The following ZC3H6 variants were observed in gnomAD, a reference collection of about 807,000 sequenced individuals.
The protein encoded by ZC3H6 is zinc finger CCCH-type containing 6.
ZC3H6 carries 40 observed loss-of-function variants against 107.7 expected under a neutral mutation model. The ratio of observed to expected loss-of-function variants is 0.37; its 90% CI spans 0.29 to 0.48. The LOEUF is 0.48. Ranked by LOEUF, ZC3H6 falls within the 20% of genes least tolerant of loss-of-function variation. ZC3H6 has a pLI of 0.98. For synonymous variants in ZC3H6, 493 were observed against 487.9 expected (o/e 1.01, Z -0.14); for missense variants, 1,267 against 1,410.4 (o/e 0.90, Z 1.63).
chr2:112,325,193 A>C lies in ZC3H6; in HGVS notation c.2082A>C (p.Glu694Asp). 6.2e-7 allele frequency: 1 copy of C among 1,613,866 alleles called. No individual in the cohort carries two copies. The highest frequency in any genetic ancestry group is 8.5e-7 in the Non-Finnish European group (1 of 1,179,802). ...STQPHRAPSK[E>D]EDDTVNWYSS... ...AACCTCATAGGGCACCAAGCAAGGA[A>C]GAAGGTGTGTCAGAAGTTATTAATA... Residue 694 changes from glutamate to aspartate, a missense_variant, in exon 11 of 12, where the codon GAA (glutamate) becomes GAC (aspartate). This residue lies in a region of ZC3H6 where 925 missense variants were observed against 1,025.7 expected (regional missense o/e 0.90). Coordinates refer to ENST00000409871, the MANE Select transcript of ZC3H6 (RefSeq NM_198581.3).
intron 1 of ZC3H6, among the ~76,000 whole-genome samples, chr2:112,283,848 C>A (rs1178691350): frequency 6.6e-6 from 1 of 152,176 alleles, no homozygotes; most frequent in African/African-American, 2.4e-5. Context: ...ATCACTGAAT[C>A]ACAGACAATT....
In ZC3H6 at chr2:112,286,067, A is replaced by G. The variant is rs565308060; in HGVS notation, c.32+10041A>G. On this transcript the variant is annotated intron_variant, in intron 1 of 11. Coordinates refer to ENST00000409871, the MANE Select transcript of ZC3H6 (RefSeq NM_198581.3). Reference sequence around the variant, plus strand: ...TCATCATTGCCAGACTTAATATGACAGGTTAAATGTTGGACCCAATTTTCC... The same window carrying G: ...TCATCATTGCCAGACTTAATATGACGGGTTAAATGTTGGACCCAATTTTCC... The G allele has an allele frequency of 1.4e-5, 4 of 276,148 alleles. No homozygotes were observed. In the East Asian group the frequency reaches 3.9e-4, roughly 27 times the overall value. The allele number at this position is 276,148 out of a possible 1,614,324, so 17.1% of individuals were successfully genotyped here.
At chr2:112,324,741 G>GT in intron 10 of ZC3H6, 78 bp downstream of exon 10, 1 of 1,373,512 alleles carries the variant, frequency 7.3e-7, no homozygotes, top group Non-Finnish European at 9.8e-7. Flanking sequence ...TGACAGAAAC[G>GT]TAAGTTTTAA....
Position 112,321,825 on chromosome 2 carries a change from A to C in ZC3H6, c.1046A>C (p.His349Pro). ...CAGGGAGACAACTGTAAATTTTCCC[A>C]TGATGATCTAACTAAAGAAACAAAG... ...CYQGDNCKFS[H>P]DDLTKETKKL... Residue 349 changes from histidine to proline, a missense_variant, in exon 8 of 12, where the codon CAT (histidine) becomes CCT (proline). This residue lies in a region of ZC3H6 where 925 missense variants were observed against 1,025.7 expected (regional missense o/e 0.90). Transcript: ENST00000409871. 6.5e-7 allele frequency: 1 copy of C among 1,542,490 alleles called. No homozygotes were observed. The highest frequency in any genetic ancestry group is 8.8e-7 in the Non-Finnish European group (1 of 1,142,338).
At chr2:112,299,060 G>T (rs974761808) in intron 1 of ZC3H6, among the ~76,000 whole-genome samples, 1 of 151,994 alleles carries the variant, frequency 6.6e-6, no homozygotes, top group Non-Finnish European at 1.5e-5. Context: ...GGCAGATCAC[G>T]AGGTCAGGAG....
At chr2:112,315,272 T>C (rs1266441639) in intron 5 of ZC3H6, among the ~76,000 whole-genome samples, 1 of 152,116 alleles carries the variant, frequency 6.6e-6, no homozygotes, top group African/African-American at 2.4e-5. Context: ...AAGCAGAAGT[T>C]GAATAGGGGA....
Position 112,336,038 on chromosome 2 carries a change from A to T in ZC3H6, c.*3550A>T, listed in dbSNP as rs1324812426. ...ATATAAGAGCCACCAGCTCTTAGAA[A>T]CAACAGATATATTCACACCCAGTCT... On this transcript the variant is annotated 3_prime_UTR_variant, in exon 12 of 12. Transcript: ENST00000409871. 6.6e-6 allele frequency: 1 copy of T among 152,204 alleles called. No individual in the cohort carries two copies. Among genetic ancestry groups the T allele is most frequent in the Non-Finnish European group, 1.5e-5 (1 of 68,034 alleles). 9.4% of individuals were successfully genotyped at this position (152,204 alleles called of 1,614,324 possible).
intron 1 of ZC3H6, among the ~76,000 whole-genome samples, chr2:112,297,980 T>C (rs1676273808): frequency 1.3e-5 from 2 of 152,178 alleles, no homozygotes; most frequent in African/African-American, 4.8e-5. Flanking sequence ...TCGGATGTGA[T>C]GGCGTGTGCC....
Position 112,337,096 on chromosome 2 carries a change from T to G in ZC3H6, c.*4608T>G, listed in dbSNP as rs1396911614. The G allele has an allele frequency of 6.6e-6, 1 of 152,126 alleles. No homozygotes were observed. The highest frequency in any genetic ancestry group is 1.5e-5 in the Non-Finnish European group (1 of 68,028). The allele number at this position is 152,126 out of a possible 1,614,324, so 9.4% of individuals were successfully genotyped here. ...TTTTGGTAGACAGCCCACCTGCTCT[T>G]TTTTGTCCCCACCCTCAGCCCAAGC... On this transcript the variant is annotated 3_prime_UTR_variant, in exon 12 of 12. Transcript: ENST00000409871.
At chr2:112,308,351 C>T (rs906882090) in intron 3 of ZC3H6, among the ~76,000 whole-genome samples, 7 of 151,716 alleles carry the variant, frequency 4.6e-5, no homozygotes, top group African/African-American at 1.7e-4. Flanking sequence ...CATTGCATTT[C>T]ATTAAATACG....
chr2:112,315,315 T>C (rs1013271188), intron 5 of ZC3H6, among the ~76,000 whole-genome samples: 1 of 152,178 alleles, frequency 6.6e-6, no homozygotes, highest in African/African-American at 2.4e-5. Context: ...AGTAGGGCTA[T>C]AAGATTTCTT....
At chr2:112,303,198 T>C in intron 2 of ZC3H6, 31 bp from the exon 3 acceptor site, 1 of 1,588,588 alleles carries the variant, frequency 6.3e-7, no homozygotes, top group African/African-American at 1.4e-5. Flanking sequence ...CTTTTGCAAA[T>C]GTAACATATT....
chr2:112,313,067 G>A (rs1025324388), intron 5 of ZC3H6, among the ~76,000 whole-genome samples: 7 of 152,108 alleles, frequency 4.6e-5, no homozygotes, highest in African/African-American at 9.7e-5. Context: ...ATAAATTTGC[G>A]AAACCCAGCA....
At position 112,322,706 on chromosome 2, in the gene ZC3H6, A is replaced by G; in HGVS notation, c.1144A>G (p.Arg382Gly). 6.2e-7 allele frequency: 1 copy of G among 1,613,310 alleles called. No individual in the cohort carries two copies. The highest frequency in any genetic ancestry group is 8.5e-7 in the Non-Finnish European group (1 of 1,179,666). ...AGATGAAAGAGAATTAGAGGAACTT[A>G]GAAAGCGTGGCATAACTCCTCTTCC... ...NEDERELEEL[R>G]KRGITPLPKP... The change falls in exon 9 of 12, where the codon AGA becomes GGA. Residue 382 changes from arginine to glycine, a missense_variant. Physicochemically the swap from Arg to Gly is moderately radical, Grantham distance 125 (BLOSUM62 -2). Transcript: ENST00000409871.
Position 112,328,082 on chromosome 2 carries a change from C to T in ZC3H6, c.2086+2885C>T, listed in dbSNP as rs567320650. Reference sequence around the variant, plus strand: ...TTTTTTTGTATTTTTAGTAGAGACACGGTTTTACCACGTTGGCCAGGTTGG... The same window carrying T: ...TTTTTTTGTATTTTTAGTAGAGACATGGTTTTACCACGTTGGCCAGGTTGG... On this transcript the variant is annotated intron_variant, in intron 11 of 11. Transcript: ENST00000409871. Among the ~76,000 whole-genome samples, 49 of 152,014 alleles carry T rather than the reference C, an allele frequency of 3.2e-4. 3 individuals carry two copies. The South Asian group carries it at 9.8e-3, about 30-fold the overall frequency.
intron 1 of ZC3H6, among the ~76,000 whole-genome samples, chr2:112,279,033 A>G (rs1032451954): frequency 6.6e-6 from 1 of 152,254 alleles, no homozygotes; most frequent in Admixed American, 6.5e-5. Flanking sequence ...TGGAGTTAAA[A>G]CATTGTATTT....
rs1677192276 is a variant in ZC3H6, at chr2:112,338,901, AT to A, written c.*6414del. 2.0e-4 allele frequency: 13 copies of A among 65,524 alleles called. No homozygotes were observed. The highest frequency in any genetic ancestry group is 5.3e-4 in the South Asian group (1 of 1,884). The allele number at this position is 65,524 out of a possible 1,614,324, so 4.1% of individuals were successfully genotyped here. A position where few individuals can be genotyped will look rare whatever the true frequency, so the allele number is the denominator to read the frequency against. On this transcript the variant is annotated 3_prime_UTR_variant, in exon 12 of 12. Coordinates refer to ENST00000409871, the MANE Select transcript of ZC3H6 (RefSeq NM_198581.3). ...TATATATATATATATATATATATAT[AT>A]ATATATATATAATTTTTTTTTTTTG... is the stretch of plus-strand genomic sequence containing the variant.
At chr2:112,315,058 C>CT (rs1676671914) in intron 5 of ZC3H6, among the ~76,000 whole-genome samples, 1 of 152,024 alleles carries the variant, frequency 6.6e-6, no homozygotes, top group African/African-American at 2.4e-5. Context: ...ACTTTATGCT[C>CT]TATCTTTTAG....
Position 112,339,035 on chromosome 2 carries a change from A to G in ZC3H6, c.*6547A>G, listed in dbSNP as rs988621904. 1.3e-5 allele frequency: 2 copies of G among 151,080 alleles called. No individual in the cohort carries two copies. The highest frequency in any genetic ancestry group is 6.6e-5 in the Admixed American group (1 of 15,140). 9.4% of individuals were successfully genotyped at this position (151,080 alleles called of 1,614,324 possible). A position where few individuals can be genotyped will look rare whatever the true frequency, so the allele number is the denominator to read the frequency against. On this transcript the variant is annotated 3_prime_UTR_variant, in exon 12 of 12. Transcript: ENST00000409871. ...GCCTCCCGAGTAGCTGGAATTACAGACGCCTGCCACCACACCCAGCTAATT... is the reference window on the plus strand; with the variant it reads ...GCCTCCCGAGTAGCTGGAATTACAGGCGCCTGCCACCACACCCAGCTAATT...
Sources: gnomAD v4.1 joint callset for allele counts (sites outside exome capture counted in the v4.1 genomes callset) on GRCh38, gnomAD v4.1.1 for gene constraint, gnomAD v4.1.1 regional missense constraint, MANE v1.5 for transcripts, NCBI Gene and HGNC (gene_info 2026-07-23, HGNC 2026-07-21) for gene names.